FRMD3: variants seen among roughly 807,000 people sequenced by gnomAD.
The protein encoded by FRMD3 is FERM domain containing 3, also known as FERM domain-containing protein 3.
A neutral mutation model predicts 70.2 loss-of-function variants in FRMD3; 33 were observed. The observed-to-expected ratio is 0.47, with a 90% confidence interval of 0.36 to 0.63. The LOEUF (loss-of-function observed/expected upper bound fraction) is 0.63, where lower values mean the gene tolerates loss of function less well. Among genes scored for constraint, FRMD3 ranks in the 20% least tolerant of loss-of-function variants. The pLI is 0.00. For missense variants in FRMD3, 632 were observed against 711.4 expected, an observed-to-expected ratio of 0.89 and a Z score of 1.27; for synonymous variants, 279 against 255.9, an observed-to-expected ratio of 1.09 and a Z score of -0.86.
At chr9:83,478,332 A>G (rs945822372) in intron 1 of FRMD3, among the ~76,000 whole-genome samples, 1 of 152,192 alleles carries the variant, frequency 6.6e-6, no homozygotes, top group Non-Finnish European at 1.5e-5. Flanking sequence ...TGCAAAATGT[A>G]ATGAACATAT....
chr9:83,522,621 T>G (rs1043529284), intron 1 of FRMD3, among the ~76,000 whole-genome samples: 1 of 150,046 alleles, frequency 6.7e-6, no homozygotes, highest in Non-Finnish European at 1.5e-5. Flanking sequence ...TGGAGTGCAG[T>G]GTAGCGATCT....
chr9:83,359,031 C>T (rs1824497449), intron 3 of FRMD3, among the ~76,000 whole-genome samples: 1 of 152,116 alleles, frequency 6.6e-6, no homozygotes, highest in African/African-American at 2.4e-5. Flanking sequence ...AATCATTAAA[C>T]AACAACTGTT....
chr9:83,348,764 C>A (rs966148426), intron 4 of FRMD3, among the ~76,000 whole-genome samples: 10 of 152,106 alleles, frequency 6.6e-5, no homozygotes, highest in Non-Finnish European at 1.2e-4. Flanking sequence ...CCAGCACAAA[C>A]CTTACTAAAT....
intron 6 of FRMD3, among the ~76,000 whole-genome samples, chr9:83,319,504 C>G (rs1011007863): frequency 8.5e-5 from 13 of 152,210 alleles, no homozygotes; most frequent in Admixed American, 3.3e-4. Context: ...TCACTGCAAC[C>G]TCTGCCTCCC....
chr9:83,262,557 T>C (rs911626233), intron 13 of FRMD3, among the ~76,000 whole-genome samples: 9 of 152,184 alleles, frequency 5.9e-5, no homozygotes, highest in African/African-American at 2.2e-4. Context: ...ATCAGTCCTC[T>C]TCTTAAAAGG....
chr9:83,517,714 T>C (rs1485426420), intron 1 of FRMD3, among the ~76,000 whole-genome samples: 2 of 152,146 alleles, frequency 1.3e-5, no homozygotes, highest in Admixed American at 6.5e-5. Flanking sequence ...ATATCCCTTA[T>C]GAACATTGAT....
chr9:83,290,478 T>C (rs1482162564), intron 13 of FRMD3, 125 bp downstream of exon 13: 9 of 1,056,308 alleles, frequency 8.5e-6, no homozygotes, highest in African/African-American at 3.2e-5. Flanking sequence ...ACTAAAAACA[T>C]AGTTTATGGC....
chr9:83,290,666 C>T lies in FRMD3; in HGVS notation c.1132G>A (p.Glu378Lys). Residue 378 changes from glutamate (E) to lysine (K), a missense_variant, in exon 13 of 14, where the codon GAA (glutamate) becomes AAA (lysine). Glu to Lys is a moderately conservative substitution (Grantham distance 56). Transcript: ENST00000304195. Reference sequence around the variant, plus strand: ...GAAGGAAGCAGGGGCTGCAGGGGTTCCATGTTAATGATGAGCTGTTTGTTC... The same window carrying T: ...GAAGGAAGCAGGGGCTGCAGGGGTTTCATGTTAATGATGAGCTGTTTGTTC... ...SLNKQLIINM[E>K]PLQPLLPSPS... The T allele has an allele frequency of 6.2e-7, 1 of 1,613,952 alleles. No homozygotes were observed. Among genetic ancestry groups the T allele is most frequent in the Non-Finnish European group, 8.5e-7 (1 of 1,179,936 alleles).
intron 1 of FRMD3, among the ~76,000 whole-genome samples, chr9:83,400,626 C>T (rs1825927894): frequency 6.6e-6 from 1 of 152,050 alleles, no homozygotes; most frequent in African/African-American, 2.4e-5. Flanking sequence ...TACCCAGCTT[C>T]AAGACTTACT....
In FRMD3 at chr9:83,301,885, G is replaced by A. The variant is rs112360602; in HGVS notation, c.927-2699C>T. On this transcript the variant is annotated intron_variant, in intron 10 of 13. Coordinates refer to ENST00000304195, the MANE Select transcript of FRMD3 (RefSeq NM_174938.6). ...GATGAGCAGAGAGAAAAGACTGTGC[G>A]TCTTTCTGGCTGCGGGTTCCCCTGG... Among the ~76,000 whole-genome samples the A allele has an allele frequency of 2.2e-3, 334 of 152,376 alleles. 1 individual carries two copies. Among genetic ancestry groups the A allele is most frequent in the African/African-American group, 7.4e-3 (307 of 41,596 alleles).
chr9:83,497,631 G>A (rs963979926), intron 1 of FRMD3, among the ~76,000 whole-genome samples: 1 of 152,214 alleles, frequency 6.6e-6, no homozygotes, highest in Non-Finnish European at 1.5e-5. Context: ...CCAATGGGGT[G>A]TGAGCAGAAG....
chr9:83,343,863 G>A (rs147126622), intron 4 of FRMD3, among the ~76,000 whole-genome samples: 5 of 152,346 alleles, frequency 3.3e-5, no homozygotes, highest in Non-Finnish European at 7.3e-5. Flanking sequence ...ACACTCAGAT[G>A]CCTATTGAGG....
chr9:83,514,068 GT>G (rs931628694), intron 1 of FRMD3, among the ~76,000 whole-genome samples: 11 of 152,146 alleles, frequency 7.2e-5, no homozygotes, highest in African/African-American at 2.4e-4. Context: ...AGCTGCAGGA[GT>G]TTTTTTCATA....
At chr9:83,424,270 T>C (rs1439072217) in intron 1 of FRMD3, among the ~76,000 whole-genome samples, 3 of 152,216 alleles carry the variant, frequency 2.0e-5, no homozygotes, top group African/African-American at 4.8e-5. Context: ...TACATTCAAA[T>C]TGCAGTTCTA....
chr9:83,243,383 T>C (rs558438233), downstream of FRMD3, among the ~76,000 whole-genome samples: 18 of 152,234 alleles, frequency 1.2e-4, no homozygotes, highest in East Asian at 2.7e-3. Flanking sequence ...ACCCCAGGGG[T>C]GGAAGACTCT....
At chr9:83,550,255 T>C in the FRMD3 span, among the ~76,000 whole-genome samples, 1 of 152,188 alleles carries the variant, frequency 6.6e-6, no homozygotes, top group Non-Finnish European at 1.5e-5. Context: ...CAGATGGTCG[T>C]AGATGTGTGG....
At chr9:83,416,768 T>A (rs995257992) in intron 1 of FRMD3, among the ~76,000 whole-genome samples, 25 of 121,748 alleles carry the variant, frequency 2.1e-4, no homozygotes, top group African/African-American at 8.5e-4. Flanking sequence ...TCTCTCTCTC[T>A]CTCTCTCTCT....
chr9:83,474,626 T>C (rs778186881), intron 1 of FRMD3, among the ~76,000 whole-genome samples: 2 of 152,092 alleles, frequency 1.3e-5, no homozygotes, highest in Non-Finnish European at 1.5e-5. Flanking sequence ...CCAGCAATAA[T>C]AGATAAGCAT....
intron 1 of FRMD3, among the ~76,000 whole-genome samples, chr9:83,497,918 C>G (rs1828977968): frequency 6.6e-6 from 1 of 152,156 alleles, no homozygotes; most frequent in Non-Finnish European, 1.5e-5. Flanking sequence ...GAGGCCAAGG[C>G]TGGTGGATCA....
Sources: allele counts gnomAD v4.1 joint callset (sites outside exome capture counted in the v4.1 genomes callset), GRCh38; gene constraint gnomAD v4.1.1; transcripts MANE v1.5; gene names NCBI Gene and HGNC (gene_info 2026-07-23, HGNC 2026-07-21).